Variants in PTPRA observed in about 807,000 individuals in gnomAD.
PTPRA encodes the protein protein tyrosine phosphatase receptor type A.
PTPRA carries 25 observed loss-of-function variants against 104.8 expected under a neutral mutation model. The ratio of observed to expected loss-of-function variants is 0.24; its 90% CI spans 0.17 to 0.33. The LOEUF is 0.33. Among genes scored for constraint, PTPRA ranks in the 10% least tolerant of loss-of-function variants. PTPRA has a pLI of 1.00. For missense variants in PTPRA, 765 were observed against 1,015.3 expected, an observed-to-expected ratio of 0.75 and a Z score of 3.35; for synonymous variants, 323 against 368.9, an observed-to-expected ratio of 0.88 and a Z score of 1.43.
intron 1 of PTPRA, among the ~76,000 whole-genome samples, chr20:2,902,105 G>A (rs1025609038): frequency 1.3e-5 from 2 of 151,972 alleles, no homozygotes; most frequent in Non-Finnish European, 2.9e-5. Flanking sequence ...GGCTGGTCTC[G>A]AGCTCCTGAC....
Position 3,037,233 on chromosome 20 carries a change from G to A in PTPRA, c.2278G>A (p.Val760Ile), listed in dbSNP as rs201638474. ...ERVKAEGILD[V>I]FQTVKSLRLQ... ...TGTGAAAGCAGAGGGGATTTTGGAT[G>A]TCTTCCAGACTGTCAAGAGCCTGCG... The change falls in exon 23 of 24, where the codon GTC becomes ATC. Residue 760 changes from valine (V) to isoleucine (I), a missense_variant. By Grantham distance (29) the Val-to-Ile change is conservative. This residue lies in a region of PTPRA where 72 missense variants were observed against 140.7 expected (regional missense o/e 0.51). Coordinates refer to ENST00000399903, the MANE Select transcript of PTPRA (RefSeq NM_001385305.1). The surrounding 1 kb of genome is among the most constrained non-coding windows in gnomAD (Gnocchi z 4.3). 4 of 1,614,246 alleles carry A rather than the reference G, an allele frequency of 2.5e-6. No individual in the cohort carries two copies. The highest frequency in any genetic ancestry group is 3.3e-5 in the Admixed American group (2 of 60,034).
intron 1 of PTPRA, among the ~76,000 whole-genome samples, chr20:2,908,766 A>G (rs1295578729): frequency 6.6e-6 from 1 of 152,186 alleles, no homozygotes; most frequent in African/African-American, 2.4e-5. Context: ...AATGAAAAAC[A>G]TGACATTCAA....
chr20:3,020,685 C>T (rs888572859), intron 13 of PTPRA, among the ~76,000 whole-genome samples: 7 of 152,216 alleles, frequency 4.6e-5, no homozygotes, highest in Non-Finnish European at 1.0e-4. Flanking sequence ...GCGAGGAATA[C>T]CTATTTGTTA....
chr20:3,000,435 A>G (rs533350307), intron 9 of PTPRA, among the ~76,000 whole-genome samples: 104 of 152,360 alleles, frequency 6.8e-4, no homozygotes, highest in South Asian at 2.1e-3. Context: ...AAAGTCTGAC[A>G]GTAGCAAATG....
intron 1 of PTPRA, among the ~76,000 whole-genome samples, chr20:2,902,824 A>G (rs1268942788): frequency 6.6e-6 from 1 of 152,166 alleles, no homozygotes; most frequent in Non-Finnish European, 1.5e-5. Flanking sequence ...TGAGTTTTAT[A>G]ATGAGCACAA....
intron 6 of PTPRA, among the ~76,000 whole-genome samples, chr20:2,982,264 T>C (rs918810468): frequency 6.6e-6 from 1 of 151,946 alleles, no homozygotes; most frequent in African/African-American, 2.4e-5. Context: ...TAATTTTGTA[T>C]TTTTAGCAGA....
chr20:2,958,746 C>A (rs2061633214), intron 3 of PTPRA, among the ~76,000 whole-genome samples: 1 of 146,162 alleles, frequency 6.8e-6, no homozygotes, highest in South Asian at 2.2e-4. Flanking sequence ...ACTTGGGAGG[C>A]TGAGGCAGGA....
intron 1 of PTPRA, among the ~76,000 whole-genome samples, chr20:2,885,955 T>G (rs974043887): frequency 6.6e-6 from 1 of 152,138 alleles, no homozygotes; most frequent in Non-Finnish European, 1.5e-5. Flanking sequence ...TCCCAGCTAC[T>G]CGGGAGGCTG....
At chr20:2,900,580 G>T (rs1009027049) in intron 1 of PTPRA, among the ~76,000 whole-genome samples, 2 of 152,158 alleles carry the variant, frequency 1.3e-5, no homozygotes, top group Non-Finnish European at 2.9e-5. Flanking sequence ...TCTCAGGTGG[G>T]CGTGGTGGCT....
chr20:2,940,380 T>C (rs77168804), intron 2 of PTPRA, among the ~76,000 whole-genome samples: 3,518 of 151,962 alleles, frequency 0.023, 118 homozygotes, highest in African/African-American at 0.068. Context: ...GGACTTGAAC[T>C]CCTGTGCTCA....
chr20:2,897,167 A>AGTTTAGAG (rs2059032097), intron 1 of PTPRA, among the ~76,000 whole-genome samples: 2 of 152,186 alleles, frequency 1.3e-5, no homozygotes, highest in Admixed American at 6.5e-5. Flanking sequence ...TTGTAAAATT[A>AGTTTAGAG]GTTTAGAGGT....
chr20:3,029,540 C>CTTTTTTTTTTTTTTTTTTTTTTTTTTTTT (rs71195813), intron 20 of PTPRA, among the ~76,000 whole-genome samples: 2 of 78,084 alleles, frequency 2.6e-5, no homozygotes, highest in African/African-American at 5.5e-5. Flanking sequence ...TCTTCATCAT[C>CTTTTTTTTTTTTTTTTTTTTTTTTTTTTT]TTTTTTTTTT....
At chr20:2,990,460 A>G (rs1337110341) in intron 9 of PTPRA, among the ~76,000 whole-genome samples, 7 of 152,158 alleles carry the variant, frequency 4.6e-5, no homozygotes, top group Admixed American at 3.9e-4. Flanking sequence ...GCTCACACCT[A>G]TAATCCCAAC....
chr20:3,010,399 C>T (rs913786456), intron 11 of PTPRA, among the ~76,000 whole-genome samples: 5 of 151,628 alleles, frequency 3.3e-5, no homozygotes, highest in South Asian at 2.1e-4. Context: ...GAGGCCGAGG[C>T]GGGCGGATCA....
rs529785469 is a variant in PTPRA at position 3,019,131 on chromosome 20, G to A, written c.1041+1218G>A. Among the ~76,000 whole-genome samples, 50 of 142,430 alleles carry A rather than the reference G, an allele frequency of 3.5e-4. No individual in the cohort carries two copies. The Middle Eastern group carries it at 0.013, about 36-fold the overall frequency. The allele number at this position is 142,430 out of a possible 152,430, so 93.4% of individuals were successfully genotyped here. A position where few individuals can be genotyped will look rare whatever the true frequency, so the allele number is the denominator to read the frequency against. ...CAGAGGCGCCCCTCACCTCCTGGAC[G>A]GGGCGGCTGGCCGGGCGGGGGGCTG... is the stretch of plus-strand genomic sequence containing the variant. On this transcript the variant is annotated intron_variant, in intron 13 of 23. Coordinates refer to ENST00000399903, the MANE Select transcript of PTPRA (RefSeq NM_001385305.1).
chr20:2,897,311 GTTA>G (rs1350655382), intron 1 of PTPRA, among the ~76,000 whole-genome samples: 3 of 149,478 alleles, frequency 2.0e-5, no homozygotes, highest in Admixed American at 1.3e-4. Flanking sequence ...GCCTGAATCA[GTTA>G]TTATAGTGGT....
intron 1 of PTPRA, among the ~76,000 whole-genome samples, chr20:2,918,896 C>T (rs1284244010): frequency 6.6e-6 from 1 of 152,154 alleles, no homozygotes; most frequent in Admixed American, 6.5e-5. Context: ...TTAATAACTA[C>T]TCTGTACCAT....
At chr20:2,944,137 C>T (rs2061037899) in intron 2 of PTPRA, among the ~76,000 whole-genome samples, 1 of 151,308 alleles carries the variant, frequency 6.6e-6, no homozygotes, top group African/African-American at 2.4e-5. Flanking sequence ...GCCTCCCAGG[C>T]TCAAGCAATT....
intron 1 of PTPRA, among the ~76,000 whole-genome samples, chr20:2,888,292 G>A (rs1288823072): frequency 6.6e-6 from 1 of 152,164 alleles, no homozygotes; most frequent in Non-Finnish European, 1.5e-5. Context: ...AGGTGTGGTG[G>A]CTCACACCTG....
Sources: allele counts gnomAD v4.1 joint callset (sites outside exome capture counted in the v4.1 genomes callset), GRCh38; gene constraint gnomAD v4.1.1; regional missense constraint gnomAD v4.1.1; non-coding constraint Gnocchi (gnomAD v3.1); transcripts MANE v1.5; gene names NCBI Gene and HGNC (gene_info 2026-07-23, HGNC 2026-07-21).